The following KIF16B variants were observed in gnomAD, a reference collection of about 807,000 sequenced individuals.
The protein encoded by KIF16B is kinesin-like protein KIF16B.
A neutral mutation model predicts 156.3 loss-of-function variants in KIF16B; 98 were observed. The observed-to-expected ratio is 0.63, with a 90% CI of 0.53 to 0.74. The LOEUF (loss-of-function observed/expected upper bound fraction) is 0.74. Among genes scored for constraint, KIF16B ranks in the 30% least tolerant of loss-of-function variants. The probability of loss-of-function intolerance (pLI) is 0.00; values close to 1 mark genes in which losing one functional copy is unlikely to be tolerated. For missense variants in KIF16B, 1,421 were observed against 1,606.5 expected, an observed-to-expected ratio of 0.88 and a Z score of 1.97; for synonymous variants, 564 against 583.7, an observed-to-expected ratio of 0.97 and a Z score of 0.49.
intron 12 of KIF16B, among the ~76,000 whole-genome samples, chr20:16,472,959 G>T (rs1199453951): frequency 6.6e-6 from 1 of 152,172 alleles, no homozygotes; most frequent in Non-Finnish European, 1.5e-5. Flanking sequence ...TAGGTTCTGA[G>T]AAACTAAGCA....
intron 1 of KIF16B, among the ~76,000 whole-genome samples, chr20:16,535,880 T>C (rs1386608569): frequency 6.6e-6 from 1 of 152,198 alleles, no homozygotes; most frequent in Admixed American, 6.5e-5. Context: ...AGAGAACTCT[T>C]ATACACTGTT....
At chr20:16,314,927 T>C (rs1172806075) in intron 24 of KIF16B, among the ~76,000 whole-genome samples, 1 of 152,060 alleles carries the variant, frequency 6.6e-6, no homozygotes, top group Non-Finnish European at 1.5e-5. Context: ...CCAGCTTCCA[T>C]CTCCTCCAGT....
intron 15 of KIF16B, among the ~76,000 whole-genome samples, chr20:16,415,850 C>T (rs1479478170): frequency 6.6e-6 from 1 of 152,122 alleles, no homozygotes; most frequent in Non-Finnish European, 1.5e-5. Flanking sequence ...CTGAAACAAG[C>T]ACACTCCACC....
chr20:16,453,729 T>A lies in KIF16B; in HGVS notation c.1303-23747A>T, dbSNP rs184968208. 1.4e-3 allele frequency among the ~76,000 whole-genome samples: 211 copies of A among 152,298 alleles called. 1 individual carries two copies. The highest frequency in any genetic ancestry group is 4.9e-3 in the African/African-American group (202 of 41,554). ...GCTGTCTTATTTTCATTCATTAACA[T>A]TCCAGAAGAGGAATACAAATCAAAA... On this transcript the variant is annotated intron_variant, in intron 12 of 25. Coordinates refer to ENST00000354981, the MANE Select transcript of KIF16B (RefSeq NM_024704.5).
intron 12 of KIF16B, among the ~76,000 whole-genome samples, chr20:16,459,176 C>T (rs1435636667): frequency 6.6e-6 from 1 of 152,064 alleles, no homozygotes; most frequent in African/African-American, 2.4e-5. Context: ...GAGAATTACA[C>T]TCTCATCATC....
chr20:16,404,571 G>A (rs980745092), intron 17 of KIF16B, among the ~76,000 whole-genome samples: 3 of 152,304 alleles, frequency 2.0e-5, no homozygotes, highest in Non-Finnish European at 4.4e-5. Flanking sequence ...ACTCACGAAT[G>A]CTTATTATGC....
chr20:16,406,321 C>T (rs1004330446), intron 16 of KIF16B, 53 bp downstream of exon 16: 13 of 1,485,550 alleles, frequency 8.8e-6, no homozygotes, highest in Non-Finnish European at 1.1e-5. Context: ...CCACCACCCA[C>T]TCATCCTCAC....
intron 9 of KIF16B, 90 bp from the exon 10 acceptor site, chr20:16,504,637 C>A: frequency 9.3e-7 from 1 of 1,079,606 alleles, no homozygotes; most frequent in Non-Finnish European, 1.4e-6. Context: ...GTCAGATTAA[C>A]CCCAGGTCAT....
intron 1 of KIF16B, among the ~76,000 whole-genome samples, chr20:16,533,616 G>A (rs555062443): frequency 2.6e-5 from 4 of 152,210 alleles, no homozygotes; most frequent in East Asian, 1.9e-4. Flanking sequence ...AGCTAATACT[G>A]TCTCCATTCT....
chr20:16,444,911 A>C (rs925180308), intron 12 of KIF16B, among the ~76,000 whole-genome samples: 12 of 152,250 alleles, frequency 7.9e-5, no homozygotes, highest in Non-Finnish European at 1.5e-4. Context: ...TGAAGCTTCT[A>C]TTCTAAATAA....
chr20:16,288,992 A>G (rs2063273242), intron 25 of KIF16B, among the ~76,000 whole-genome samples: 1 of 151,154 alleles, frequency 6.6e-6, no homozygotes, highest in South Asian at 2.1e-4. Flanking sequence ...GGATCCCAAT[A>G]AACCCACGGC....
intron 12 of KIF16B, among the ~76,000 whole-genome samples, chr20:16,431,395 T>G (rs1194229391): frequency 6.6e-6 from 1 of 152,176 alleles, no homozygotes; most frequent in African/African-American, 2.4e-5. Flanking sequence ...TCTCATCTTC[T>G]GCCGCTCTCC....
At chr20:16,446,012 C>T (rs1036852461) in intron 12 of KIF16B, among the ~76,000 whole-genome samples, 4 of 152,174 alleles carry the variant, frequency 2.6e-5, no homozygotes, top group African/African-American at 9.7e-5. Flanking sequence ...AGACAACCTC[C>T]TCTTCCTGTT....
intron 12 of KIF16B, among the ~76,000 whole-genome samples, chr20:16,457,220 G>GAAC (rs575093774): frequency 1.8e-4 from 27 of 151,686 alleles, no homozygotes; most frequent in African/African-American, 5.8e-4. Context: ...TTTTTTTTAA[G>GAAC]AACAACAACA....
chr20:16,498,356 T>G (rs1436993240), intron 10 of KIF16B, among the ~76,000 whole-genome samples: 1 of 152,098 alleles, frequency 6.6e-6, no homozygotes, highest in African/African-American at 2.4e-5. Flanking sequence ...CTGCCTCCTT[T>G]TCTCATGGCC....
At chr20:16,277,458 A>ATTTT (rs201802204) in intron 25 of KIF16B, among the ~76,000 whole-genome samples, 2 of 88,916 alleles carry the variant, frequency 2.2e-5, no homozygotes, top group East Asian at 2.2e-3. Flanking sequence ...TTATGTACAT[A>ATTTT]TTATATATAT....
intron 15 of KIF16B, among the ~76,000 whole-genome samples, chr20:16,416,397 G>A (rs1404412530): frequency 1.3e-5 from 2 of 152,144 alleles, no homozygotes; most frequent in African/African-American, 4.8e-5. Flanking sequence ...TAAGGTGTAA[G>A]GAAGGGGTCC....
chr20:16,552,779 G>A (rs958622240), intron 1 of KIF16B, among the ~76,000 whole-genome samples: 2 of 152,132 alleles, frequency 1.3e-5, no homozygotes, highest in African/African-American at 4.8e-5. Context: ...ATATTCCTAT[G>A]TTTTAACTTT....
intron 15 of KIF16B, among the ~76,000 whole-genome samples, chr20:16,410,897 C>T (rs1360625016): frequency 6.6e-6 from 1 of 151,150 alleles, no homozygotes; most frequent in Non-Finnish European, 1.5e-5. Flanking sequence ...CCTTGGCACC[C>T]TTAGTTCCTG....
Sources: gnomAD v4.1 joint callset for allele counts (sites outside exome capture counted in the v4.1 genomes callset) on GRCh38, gnomAD v4.1.1 for gene constraint, MANE v1.5 for transcripts, NCBI Gene and HGNC (gene_info 2026-07-23, HGNC 2026-07-21) for gene names.